The following CCDC3 variants were observed in gnomAD, a reference collection of about 807,000 sequenced individuals.
CCDC3 encodes the protein coiled-coil domain-containing protein 3.
In CCDC3, 24 loss-of-function variants were observed where a neutral mutation model predicts 21.4. The ratio of observed to expected loss-of-function variants is 1.12; its 90% CI spans 0.81 to 1.58. The LOEUF is 1.58. CCDC3 is among the 40% of genes most tolerant of loss of function. The probability of loss-of-function intolerance (pLI) is 0.00; values close to 1 mark genes in which losing one functional copy is unlikely to be tolerated. For missense variants in CCDC3, 425 were observed against 360.9 expected, an observed-to-expected ratio of 1.18 and a Z score of -1.44; for synonymous variants, 186 against 166.0, an observed-to-expected ratio of 1.12 and a Z score of -0.93.
At chr10:12,929,427 C>G (rs900213317) in intron 2 of CCDC3, among the ~76,000 whole-genome samples, 6 of 152,322 alleles carry the variant, frequency 3.9e-5, no homozygotes, top group Admixed American at 1.3e-4. Flanking sequence ...GGGCCTTTCA[C>G]AGAAGCAGCT....
chr10:13,082,222 A>G (rs760772500), intron 3 of CCDC3, among the ~76,000 whole-genome samples: 5 of 152,176 alleles, frequency 3.3e-5, no homozygotes, highest in Non-Finnish European at 5.9e-5. Context: ...ATACAAGACA[A>G]GGGGGCAGGG....
intron 3 of CCDC3, among the ~76,000 whole-genome samples, chr10:13,088,118 G>T (rs1011306713): frequency 6.6e-6 from 1 of 152,122 alleles, no homozygotes; most frequent in Non-Finnish European, 1.5e-5. Flanking sequence ...CTGCACAACT[G>T]TACACAGCCG....
intron 3 of CCDC3, among the ~76,000 whole-genome samples, chr10:13,097,251 T>C (rs1034893214): frequency 3.9e-5 from 6 of 152,234 alleles, no homozygotes; most frequent in Non-Finnish European, 7.3e-5. Context: ...CATGGAAGTG[T>C]GCAGGAAGAT....
chr10:12,998,115 A>C lies in CCDC3; in HGVS notation c.549+223T>G, dbSNP rs7920827. 9.5e-3 allele frequency among the ~76,000 whole-genome samples: 1,453 copies of C among 152,188 alleles called. 26 individuals carry two copies. The highest frequency in any genetic ancestry group is 0.033 in the African/African-American group (1,369 of 41,518). ...ATCTTGTTCTCATACTTTGGGAAGAACTCCTTATCCAACAGTAAAGCTTCA... is the reference window on the plus strand; with the variant it reads ...ATCTTGTTCTCATACTTTGGGAAGACCTCCTTATCCAACAGTAAAGCTTCA... On this transcript the variant is annotated intron_variant, in intron 2 of 2. Transcript: ENST00000378825.
chr10:13,014,386 C>T (rs560563065), intron 5 of CCDC3, among the ~76,000 whole-genome samples: 1 of 140,248 alleles, frequency 7.1e-6, no homozygotes, highest in South Asian at 2.3e-4. Context: ...GGAGTCGGAG[C>T]TTGCAGTGAG....
chr10:13,058,895 C>T (rs963953547), intron 4 of CCDC3, among the ~76,000 whole-genome samples: 3 of 152,150 alleles, frequency 2.0e-5, no homozygotes, highest in African/African-American at 7.2e-5. Flanking sequence ...TACACTACGG[C>T]GCATCCATAT....
chr10:13,017,170 G>A (rs1293398625), intron 5 of CCDC3, among the ~76,000 whole-genome samples: 1 of 151,978 alleles, frequency 6.6e-6, no homozygotes. Context: ...TAGGCAAAGT[G>A]GAAACAGGGA....
chr10:12,976,403 C>T (rs2131268326), intron 2 of CCDC3, among the ~76,000 whole-genome samples: 1 of 152,298 alleles, frequency 6.6e-6, no homozygotes, highest in Non-Finnish European at 1.5e-5. Context: ...TTTCCAACAG[C>T]ATCTGGTACA....
At chr10:12,915,703 G>A (rs964499236) in intron 2 of CCDC3, among the ~76,000 whole-genome samples, 4 of 152,190 alleles carry the variant, frequency 2.6e-5, no homozygotes, top group Non-Finnish European at 5.9e-5. Context: ...GAGCCTTTGG[G>A]TAGGCTGGCC....
At chr10:13,074,350 TTTTTTTTTTTTTTGTAG>T (rs1836932331) in intron 3 of CCDC3, among the ~76,000 whole-genome samples, 1 of 70,522 alleles carries the variant, frequency 1.4e-5, no homozygotes, top group African/African-American at 6.5e-5. Context: ...TTTTTTTTTT[TTTTTTTTTTTTTTGTAG>T]TAGAGACGGG....
At chr10:13,045,670 A>G (rs1261555801) in intron 5 of CCDC3, among the ~76,000 whole-genome samples, 1 of 152,156 alleles carries the variant, frequency 6.6e-6, no homozygotes, top group Non-Finnish European at 1.5e-5. Context: ...TTAGAATTTT[A>G]TTGGGGAAAC....
At chr10:13,085,179 T>A (rs1323036170) in intron 3 of CCDC3, among the ~76,000 whole-genome samples, 6 of 152,004 alleles carry the variant, frequency 3.9e-5, no homozygotes, top group African/African-American at 1.2e-4. Flanking sequence ...GGCACTGGAG[T>A]CTGCCTAGCA....
rs76207635 is a variant in CCDC3 at position 12,991,829 on chromosome 10, C to T, written c.549+6509G>A. The stretch of plus-strand genomic sequence containing the variant: ...AGTTAGAAGCAATGCGGGGATCTGA[C>T]CCAAAAAGGGCTGAATCATGGAGCT... On this transcript the variant is annotated intron_variant, in intron 2 of 2. Transcript: ENST00000378825. 9.2e-3 allele frequency among the ~76,000 whole-genome samples: 1,398 copies of T among 152,212 alleles called. 19 individuals carry two copies. The highest frequency in any genetic ancestry group is 0.032 in the African/African-American group (1,334 of 41,534).
At position 13,094,861 on chromosome 10, in the gene CCDC3, G is replaced by A. The variant is rs551304047; in HGVS notation, c.-503+3664C>T. Among the ~76,000 whole-genome samples, 3 of 152,052 alleles carry A rather than the reference G, an allele frequency of 2.0e-5. No homozygotes were observed. In the South Asian group the frequency reaches 6.2e-4, roughly 32 times the overall value. On this transcript the variant is annotated intron_variant, in intron 3 of 6. Transcript: ENST00000378839. ...CCTGGGTGACAGAGCAAGATGCTCT[G>A]TCAAACAAACAAAAAACATGGGAGG...
intron 2 of CCDC3, among the ~76,000 whole-genome samples, chr10:12,976,224 G>A (rs1469105517): frequency 6.6e-6 from 1 of 152,236 alleles, no homozygotes; most frequent in Non-Finnish European, 1.5e-5. Flanking sequence ...AGGGCAACCT[G>A]CAGTCAGGAA....
At chr10:13,009,548 T>G (rs1835961104) in intron 5 of CCDC3, among the ~76,000 whole-genome samples, 1 of 152,142 alleles carries the variant, frequency 6.6e-6, no homozygotes, top group Admixed American at 6.6e-5. Context: ...AGCAATAAAG[T>G]GTGATTTGGT....
At chr10:12,990,865 G>A (rs1045910965) in intron 2 of CCDC3, among the ~76,000 whole-genome samples, 2 of 152,100 alleles carry the variant, frequency 1.3e-5, no homozygotes. Context: ...TTTTCATGTA[G>A]GAATACAGAA....
chr10:12,962,649 G>A (rs1009483083), intron 2 of CCDC3, among the ~76,000 whole-genome samples: 13 of 152,072 alleles, frequency 8.5e-5, no homozygotes, highest in African/African-American at 3.1e-4. Flanking sequence ...CATTTCGAAC[G>A]GCTTACAACT....
In CCDC3 at chr10:12,898,567, A is replaced by G. The variant is rs754570670; in HGVS notation, c.662T>C (p.Val221Ala). The stretch of plus-strand genomic sequence containing the variant: ...CCGCAAGGACCTCTTGACCTTCTTC[A>G]CTCGCTCCCGGAGCTGCCGGTTGCG... ...EKRNRQLRER[V>A]KKVKRSLRQA... Residue 221 changes from valine (V) to alanine (A), a missense_variant, in exon 3 of 3, where the codon GTG (valine) becomes GCG (alanine). Val to Ala is a moderately conservative substitution (Grantham distance 64). Coordinates refer to ENST00000378825, the MANE Select transcript of CCDC3 (RefSeq NM_031455.4). 1 of 1,613,876 alleles carries G rather than the reference A, an allele frequency of 6.2e-7. No homozygotes were observed. Among genetic ancestry groups the G allele is most frequent in the African/African-American group, 1.3e-5 (1 of 74,856 alleles).
Sources: allele counts gnomAD v4.1 joint callset (sites outside exome capture counted in the v4.1 genomes callset), GRCh38; gene constraint gnomAD v4.1.1; transcripts MANE v1.5; gene names NCBI Gene and HGNC (gene_info 2026-07-23, HGNC 2026-07-21).